Variants in C3orf52 observed in about 807,000 individuals in gnomAD.
C3orf52 encodes the protein TPA-induced transmembrane protein.
A neutral mutation model predicts 24.8 loss-of-function variants in C3orf52; 22 were observed. That is an observed-to-expected ratio of 0.89 (90% CI 0.63 to 1.27). The LOEUF (loss-of-function observed/expected upper bound fraction) is 1.27, where lower values mean the gene tolerates loss of function less well. Among genes scored for constraint, C3orf52 ranks in the 50% most tolerant of loss-of-function variants. C3orf52 has a pLI of 0.00. For missense variants in C3orf52, 265 were observed against 260.7 expected, an observed-to-expected ratio of 1.02 and a Z score of -0.11; for synonymous variants, 93 against 100.2, an observed-to-expected ratio of 0.93 and a Z score of 0.43.
chr3:112,129,776 C>A (rs1358597849), downstream of C3orf52: 2 of 152,122 alleles, frequency 1.3e-5, no homozygotes, highest in African/African-American at 4.8e-5. Flanking sequence ...AACAACAGTG[C>A]TTGTTTTTTA....
chr3:112,112,923 A>G (rs1481427978), intron 4 of C3orf52, 41 bp from the exon 5 acceptor site: 6 of 1,503,322 alleles, frequency 4.0e-6, no homozygotes, highest in Non-Finnish European at 5.5e-6. Context: ...GAGTTGCAGT[A>G]TGATGCTGTT....
At chr3:112,130,591 T>G, downstream of C3orf52, 1 of 1,249,354 alleles carries the variant, frequency 8.0e-7, no homozygotes, top group Middle Eastern at 1.8e-4. Flanking sequence ...TTTTCCGACT[T>G]TCCTCATTTC....
At chr3:112,091,907 G>C (rs1430926998) in intron 1 of C3orf52, among the ~76,000 whole-genome samples, 3 of 152,148 alleles carry the variant, frequency 2.0e-5, no homozygotes, top group Non-Finnish European at 2.9e-5. Context: ...GGGAGGCTGA[G>C]GCAGGAGAAT....
At chr3:112,123,874 A>G (rs1380770508) in intron 4 of C3orf52, 7 of 1,225,108 alleles carry the variant, frequency 5.7e-6, no homozygotes, top group Middle Eastern at 2.6e-4. Context: ...TCTGTCTTCT[A>G]TGACCACCTC....
At chr3:112,097,290 A>G (rs2073935336) in intron 2 of C3orf52, among the ~76,000 whole-genome samples, 1 of 152,196 alleles carries the variant, frequency 6.6e-6, no homozygotes. Context: ...TGGTTGGGGC[A>G]AAATATTTTA....
intron 5 of C3orf52, among the ~76,000 whole-genome samples, chr3:112,115,751 T>TTG (rs2074128359): frequency 6.6e-6 from 1 of 152,180 alleles, no homozygotes; most frequent in Non-Finnish European, 1.5e-5. Flanking sequence ...CTGAGGGGTT[T>TTG]TGTGTGTGTT....
chr3:112,096,983 C>A (rs905110899), intron 2 of C3orf52, among the ~76,000 whole-genome samples: 9 of 152,194 alleles, frequency 5.9e-5, no homozygotes, highest in African/African-American at 2.2e-4. Flanking sequence ...ACCAGACTCA[C>A]AATCGACATG....
intron 3 of C3orf52, among the ~76,000 whole-genome samples, chr3:112,104,018 A>G (rs1233212697): frequency 6.6e-6 from 1 of 152,206 alleles, no homozygotes; most frequent in Non-Finnish European, 1.5e-5. Context: ...AGGTGTTACA[A>G]TAGTCCAGGT....
chr3:112,091,935 C>T (rs57344127), intron 1 of C3orf52, among the ~76,000 whole-genome samples: 9,227 of 151,498 alleles, frequency 0.061, 391 homozygotes, highest in African/African-American at 0.12. Context: ...ACCCGGGAGG[C>T]GGAGCTTGCA....
chr3:112,091,227 C>A (rs889530946), intron 1 of C3orf52, among the ~76,000 whole-genome samples: 1 of 152,150 alleles, frequency 6.6e-6, no homozygotes, highest in East Asian at 1.9e-4. Flanking sequence ...AGCCCACAAT[C>A]GTTAAATGTA....
chr3:112,093,247 C>T (rs2073895363), intron 1 of C3orf52, 113 bp from the exon 2 acceptor site: 10 of 1,070,002 alleles, frequency 9.3e-6, no homozygotes, highest in Non-Finnish European at 1.3e-5. Context: ...AGAGTGTTGC[C>T]CTAAGGTCAG....
chr3:112,100,923 A>G (rs62280199), intron 2 of C3orf52, among the ~76,000 whole-genome samples: 25,877 of 152,212 alleles, frequency 0.17, 2,714 homozygotes, highest in Middle Eastern at 0.25. Context: ...TAAATTACCT[A>G]TTTGTTAGGA....
At chr3:112,114,982 A>G (rs539714527) in intron 5 of C3orf52, among the ~76,000 whole-genome samples, 1 of 152,344 alleles carries the variant, frequency 6.6e-6, no homozygotes, top group South Asian at 2.1e-4. Context: ...GAGCTTGGCC[A>G]AAGAGACTCA....
At chr3:112,129,393 GC>G (rs2030807931), downstream of C3orf52, 2 of 152,318 alleles carry the variant, frequency 1.3e-5, no homozygotes, top group African/African-American at 4.8e-5. Flanking sequence ...CTGTAAGCTG[GC>G]TGTTTCTCCT....
chr3:112,122,439 A>G (rs905238731), downstream of C3orf52: 10 of 152,308 alleles, frequency 6.6e-5, no homozygotes, highest in African/African-American at 2.2e-4. Context: ...GGTTTAGAGG[A>G]TAGATATAAT....
downstream of C3orf52, chr3:112,130,379 A>G: frequency 2.3e-6 from 3 of 1,299,540 alleles, no homozygotes; most frequent in Non-Finnish European, 2.2e-6. Flanking sequence ...TGTGAAGTCC[A>G]GGGCTTGACA....
chr3:112,097,466 T>G (rs573399177), intron 2 of C3orf52, among the ~76,000 whole-genome samples: 61 of 152,248 alleles, frequency 4.0e-4, no homozygotes, highest in Admixed American at 7.2e-4. Flanking sequence ...AGGAACGCTG[T>G]GGTACTGAGA....
rs775144134 is a variant in C3orf52 at position 112,109,584 on chromosome 3, TTTTAC to T, written c.441_445del (p.Thr148SerfsTer2). ...GTACATCGCCCTCTCTGGGTCGTTA[TTTTAC>T]TTCAGTTGAAATAGTGGACTTCAGG... On this transcript the variant is annotated frameshift_variant, in exon 4 of 6. Transcript: ENST00000264848. LOFTEE classifies it high-confidence loss of function. The T allele has an allele frequency of 6.2e-7, 1 of 1,603,182 alleles. No homozygotes were observed.
chr3:112,090,689 C>T (rs2073869780), intron 1 of C3orf52, among the ~76,000 whole-genome samples: 1 of 151,990 alleles, frequency 6.6e-6, no homozygotes, highest in Admixed American at 6.5e-5. Context: ...TTTTTCAACA[C>T]ACCAGAGTCC....
Sources: gnomAD v4.1 joint callset for allele counts (sites outside exome capture counted in the v4.1 genomes callset) on GRCh38, gnomAD v4.1.1 for gene constraint, MANE v1.5 for transcripts, NCBI Gene and HGNC (gene_info 2026-07-23, HGNC 2026-07-21) for gene names.